The following POLA2 variants were observed in gnomAD, a reference collection of about 807,000 sequenced individuals.
POLA2 encodes DNA polymerase alpha 2, accessory subunit, also known as DNA polymerase alpha subunit B.
In POLA2, 47 loss-of-function variants were observed where a neutral mutation model predicts 82.8. That is an observed-to-expected ratio of 0.57 (90% CI 0.45 to 0.72). POLA2 has a LOEUF of 0.72. POLA2 is among the 30% of genes least tolerant of loss of function. POLA2 has a pLI of 0.00. For synonymous variants in POLA2, 287 were observed against 286.8 expected (o/e 1.00, Z -0.01); for missense variants, 634 against 728.1 (o/e 0.87, Z 1.49).
At chr11:65,284,602 C>T (rs1197553061) in intron 10 of POLA2, among the ~76,000 whole-genome samples, 5 of 151,626 alleles carry the variant, frequency 3.3e-5, no homozygotes, top group African/African-American at 4.8e-5. Flanking sequence ...CTCGGCTCAC[C>T]GCAACCTCCA....
At chr11:65,262,669 C>T (rs956015298) in intron 1 of POLA2, among the ~76,000 whole-genome samples, 1 of 152,190 alleles carries the variant, frequency 6.6e-6, no homozygotes, top group African/African-American at 2.4e-5. Flanking sequence ...AGACTAGGCA[C>T]TGGTGGCACC....
chr11:65,291,687 C>T (rs1949756926), intron 13 of POLA2, among the ~76,000 whole-genome samples: 1 of 152,244 alleles, frequency 6.6e-6, no homozygotes, highest in South Asian at 2.1e-4. Flanking sequence ...AGTTTGAGGT[C>T]GGGTTCTGTT....
Position 65,295,908 on chromosome 11 carries a change from A to C in POLA2, c.1565A>C (p.Tyr522Ser). Residue 522 changes from tyrosine to serine, a missense_variant, in exon 17 of 18, where the codon TAT (tyrosine) becomes TCT (serine). Transcript: ENST00000265465. ...CCCCAAGAAGACATGGCCATTGACT[A>C]TGAGTCGTTCTATGTTTACGCACAG... ...YPPQEDMAIDYESFYVYAQLP... is the reference protein window; with the variant it reads ...YPPQEDMAIDSESFYVYAQLP... 1 of 1,614,036 alleles carries C rather than the reference A, an allele frequency of 6.2e-7. No homozygotes were observed. The highest frequency in any genetic ancestry group is 2.2e-5 in the East Asian group (1 of 44,886).
chr11:65,268,042 C>T (rs1949480874), intron 3 of POLA2, among the ~76,000 whole-genome samples: 1 of 151,958 alleles, frequency 6.6e-6, no homozygotes, highest in Admixed American at 6.6e-5. Context: ...ATCCGCCTGC[C>T]TAGGCCTCCC....
rs1590910443 is a variant in POLA2, at chr11:65,294,212, A to G, written c.1304A>G (p.Tyr435Cys). The change falls in exon 14 of 18, where the codon TAC becomes TGC. Residue 435 changes from tyrosine to cysteine, a missense_variant. Physicochemically the swap from Tyr to Cys is radical, Grantham distance 194. Coordinates refer to ENST00000265465, the MANE Select transcript of POLA2 (RefSeq NM_002689.4). ...AGAGATGTGCACCATGAGCCTGTGTACCCCCAGCCGCCTTTCAGCTACTCC... is the reference window on the plus strand; with the variant it reads ...AGAGATGTGCACCATGAGCCTGTGTGCCCCCAGCCGCCTTTCAGCTACTCC... ...SLRDVHHEPV[Y>C]PQPPFSYSDL... The G allele has an allele frequency of 2.5e-6, 4 of 1,613,686 alleles. No individual in the cohort carries two copies. In the South Asian group the frequency reaches 4.4e-5, roughly 18 times the overall value.
intron 15 of POLA2, 161 bp downstream of exon 15, chr11:65,294,813 C>A: frequency 1.9e-6 from 1 of 528,542 alleles, no homozygotes; most frequent in East Asian, 3.1e-5. Context: ...TTCTCTGTAC[C>A]CAAGGGGAGG....
chr11:65,284,532 CTTTT>C (rs557117870), intron 10 of POLA2, among the ~76,000 whole-genome samples: 2 of 134,262 alleles, frequency 1.5e-5, no homozygotes, highest in Non-Finnish European at 3.3e-5. Flanking sequence ...TTTTTTTTTT[CTTTT>C]TTTTTTTTTT....
Position 65,288,519 on chromosome 11 carries a change from T to G in POLA2, c.1132-531T>G, listed in dbSNP as rs557195467. Among the ~76,000 whole-genome samples the G allele has an allele frequency of 8.7e-4, 129 of 148,250 alleles. 1 individual carries two copies. Among genetic ancestry groups the G allele is most frequent in the African/African-American group, 2.0e-3 (82 of 40,810 alleles). On this transcript the variant is annotated intron_variant, in intron 11 of 17. Coordinates refer to ENST00000265465, the MANE Select transcript of POLA2 (RefSeq NM_002689.4). ...ATTGTTCGTTTGTTTTTTGTTTTTT[T>G]TTTTTTTTTTGGGACAGAGTTTCAC... is the stretch of plus-strand genomic sequence containing the variant.
chr11:65,278,948 C>T, intron 6 of POLA2, 25 bp downstream of exon 6: 1 of 1,605,834 alleles, frequency 6.2e-7, no homozygotes, highest in Non-Finnish European at 8.5e-7. Flanking sequence ...CTTTGAAATT[C>T]TGGTGGATAT....
intron 13 of POLA2, among the ~76,000 whole-genome samples, 178 bp downstream of exon 13, chr11:65,290,050 A>G (rs1206931908): frequency 6.6e-6 from 1 of 151,936 alleles, no homozygotes; most frequent in African/African-American, 2.4e-5. Flanking sequence ...GGAGTTTGAG[A>G]CCAGCCTGGC....
In POLA2 at chr11:65,262,202, C is replaced by G; in HGVS notation, c.-91C>G. ...CGCGGAGGGGGGAAGGATAAGAGGG[C>G]GAGGAGCTCATCGCTCGCCACCCCC... On this transcript the variant is annotated 5_prime_UTR_variant, in exon 1 of 18. Transcript: ENST00000265465. 1.1e-6 allele frequency: 1 copy of G among 931,736 alleles called. No homozygotes were observed. Among genetic ancestry groups the G allele is most frequent in the Admixed American group, 2.1e-5 (1 of 48,466 alleles). The allele number at this position is 931,736 out of a possible 1,614,324, so 57.7% of individuals were successfully genotyped here.
At chr11:65,276,142 G>A in intron 5 of POLA2, 144 bp downstream of exon 5, 1 of 456,922 alleles carries the variant, frequency 2.2e-6, no homozygotes. Context: ...AAAGCCTATT[G>A]CTCTCTGCCT....
intron 10 of POLA2, among the ~76,000 whole-genome samples, 168 bp downstream of exon 10, chr11:65,282,689 C>T (rs867147503): frequency 1.2e-4 from 19 of 152,166 alleles, no homozygotes; most frequent in African/African-American, 4.6e-4. Flanking sequence ...TCACAAGACC[C>T]CTGGTCTGAG....
intron 10 of POLA2, among the ~76,000 whole-genome samples, chr11:65,287,032 T>C (rs909363120): frequency 1.3e-5 from 2 of 152,192 alleles, no homozygotes; most frequent in East Asian, 1.9e-4. Flanking sequence ...CACCTCAAGA[T>C]TGCAGACCCT....
intron 4 of POLA2, among the ~76,000 whole-genome samples, chr11:65,269,442 G>A (rs918977805): frequency 7.3e-5 from 11 of 150,812 alleles, no homozygotes; most frequent in Non-Finnish European, 1.0e-4. Flanking sequence ...AGCCGAGATC[G>A]CGCTACTGCA....
intron 13 of POLA2, among the ~76,000 whole-genome samples, chr11:65,291,970 G>T (rs1157915017): frequency 6.6e-6 from 1 of 152,236 alleles, no homozygotes; most frequent in Non-Finnish European, 1.5e-5. Context: ...CTAAGCACGG[G>T]GCTCACGCCT....
intron 8 of POLA2, among the ~76,000 whole-genome samples, chr11:65,304,893 G>GGT (rs1395709164): frequency 1.3e-5 from 2 of 152,126 alleles, no homozygotes; most frequent in Non-Finnish European, 2.9e-5. Context: ...CAGTCAGAGT[G>GGT]GTGTTTTTGT....
intron 15 of POLA2, 31 bp from the exon 16 acceptor site, chr11:65,295,509 T>G: frequency 6.3e-7 from 1 of 1,583,572 alleles, no homozygotes; most frequent in Non-Finnish European, 8.7e-7. Context: ...AAAAACAGAG[T>G]TCTGTTTTCA....
chr11:65,264,588 C>A (rs879445251), intron 1 of POLA2, among the ~76,000 whole-genome samples: 6 of 152,166 alleles, frequency 3.9e-5, no homozygotes, highest in Non-Finnish European at 7.4e-5. Context: ...TGACAAATTT[C>A]TATTATTTGC....
Sources: gnomAD v4.1 joint callset for allele counts (sites outside exome capture counted in the v4.1 genomes callset) on GRCh38, gnomAD v4.1.1 for gene constraint, MANE v1.5 for transcripts, NCBI Gene and HGNC (gene_info 2026-07-23, HGNC 2026-07-21) for gene names.